Variants in TASP1 observed in about 807,000 individuals in gnomAD.
TASP1 encodes threonine aspartase 1.
TASP1 carries 16 observed loss-of-function variants against 56.6 expected under a neutral mutation model. That is an observed-to-expected ratio of 0.28 (90% CI 0.19 to 0.43). The LOEUF is 0.43. Among genes scored for constraint, TASP1 ranks in the 20% least tolerant of loss-of-function variants. The probability of loss-of-function intolerance (pLI) is 1.00; values close to 1 mark genes in which losing one functional copy is unlikely to be tolerated. For missense variants in TASP1, 393 were observed against 511.6 expected (o/e 0.77, Z 2.24); for synonymous variants, 179 against 184.2 (o/e 0.97, Z 0.23).
chr20:13,612,743 A>G (rs2048391620), intron 4 of TASP1, among the ~76,000 whole-genome samples: 1 of 152,208 alleles, frequency 6.6e-6, no homozygotes, highest in Non-Finnish European at 1.5e-5. Context: ...ATGACATAAA[A>G]TAAGTATTAA....
At chr20:13,538,887 A>G (rs2045515524) in intron 8 of TASP1, among the ~76,000 whole-genome samples, 1 of 151,836 alleles carries the variant, frequency 6.6e-6, no homozygotes, top group Non-Finnish European at 1.5e-5. Context: ...TACTACAAAT[A>G]CAAAAAAAAA....
intron 4 of TASP1, among the ~76,000 whole-genome samples, chr20:13,612,254 T>C (rs2048369864): frequency 1.3e-5 from 2 of 152,200 alleles, no homozygotes; most frequent in South Asian, 4.1e-4. Context: ...CTTCTGATTA[T>C]AACAAATAAA....
chr20:13,580,759 C>A, intron 6 of TASP1, 138 bp downstream of exon 6: 2 of 775,206 alleles, frequency 2.6e-6, no homozygotes, highest in Admixed American at 2.4e-5. Flanking sequence ...ATTAGCTGTA[C>A]AAAATGTTCC....
the TASP1 span, among the ~76,000 whole-genome samples, chr20:13,133,711 G>A: frequency 6.6e-6 from 1 of 152,138 alleles, no homozygotes; most frequent in East Asian, 1.9e-4. Context: ...AGAGCTGAGA[G>A]GCCAAAGAAG....
At chr20:13,532,434 A>G (rs1276720914) in intron 9 of TASP1, among the ~76,000 whole-genome samples, 1 of 152,178 alleles carries the variant, frequency 6.6e-6, no homozygotes, top group Non-Finnish European at 1.5e-5. Context: ...CATAGTTTCA[A>G]GTTTATTACA....
At chr20:13,160,025 G>C in the TASP1 span, 17 of 1,612,726 alleles carry the variant, frequency 1.1e-5, no homozygotes, top group Non-Finnish European at 1.4e-5. Context: ...GCATATGCTA[G>C]AGAAAAAAAT....
chr20:13,362,526 C>T, the TASP1 span, among the ~76,000 whole-genome samples: 2 of 143,720 alleles, frequency 1.4e-5, no homozygotes, highest in Non-Finnish European at 3.0e-5. Context: ...TCCCCTTTGA[C>T]TGTAATTTTC....
the TASP1 span, among the ~76,000 whole-genome samples, chr20:13,227,804 G>A: frequency 3.4e-4 from 51 of 151,812 alleles, no homozygotes; most frequent in African/African-American, 1.0e-3. Flanking sequence ...CACCGCGCCC[G>A]GCCCCAACTT....
chr20:13,432,402 T>C (rs2042841055), intron 12 of TASP1, among the ~76,000 whole-genome samples: 1 of 152,122 alleles, frequency 6.6e-6, no homozygotes. Context: ...GGAAATGGAG[T>C]GTAAAAGGTG....
the TASP1 span, among the ~76,000 whole-genome samples, chr20:13,160,809 T>C: frequency 0.015 from 2,323 of 152,326 alleles, 25 homozygotes; most frequent in South Asian, 0.028. Flanking sequence ...CCAGACAGAA[T>C]GAATGAATCT....
chr20:13,442,644 A>AAAAC lies in TASP1; in HGVS notation c.986-7494_986-7491dup, dbSNP rs539742350. ...GCAACAGAGCAAGACTCTGTCTTTA[A>AAAAC]AAACAAACAAACAAACAAACAAAAA... On this transcript the variant is annotated intron_variant, in intron 11 of 13. Transcript: ENST00000337743. 1.9e-3 allele frequency among the ~76,000 whole-genome samples: 291 copies of AAAAC among 150,686 alleles called. 6 individuals carry two copies. The East Asian group carries it at 0.044, about 23-fold the overall frequency.
chr20:13,493,768 C>T (rs2043625611), intron 10 of TASP1, among the ~76,000 whole-genome samples: 1 of 152,168 alleles, frequency 6.6e-6, no homozygotes. Context: ...AGTTCTGTCC[C>T]TCTGGAGAAC....
chr20:13,122,442 C>A, the TASP1 span, among the ~76,000 whole-genome samples: 45,145 of 152,046 alleles, frequency 0.3, 6,917 homozygotes, highest in Admixed American at 0.34. Context: ...TGGACCCCCT[C>A]ACACCACACC....
At chr20:13,520,703 A>G (rs910153616) in intron 10 of TASP1, among the ~76,000 whole-genome samples, 5 of 152,250 alleles carry the variant, frequency 3.3e-5, no homozygotes, top group Non-Finnish European at 7.3e-5. Flanking sequence ...CATTCAGGAC[A>G]TAGGCAAGGG....
Position 13,634,983 on chromosome 20 carries a change from G to C in TASP1, c.-75+3911C>G, listed in dbSNP as rs373111868. On this transcript the variant is annotated intron_variant, in intron 1 of 13. Transcript: ENST00000337743. ...GCAGAGGTTGCAGTGAGCAGAGACC[G>C]CGCCATCGCACTCCAGCCTGGGCAA... is the stretch of plus-strand genomic sequence containing the variant. Among the ~76,000 whole-genome samples the C allele has an allele frequency of 9.2e-5, 14 of 152,186 alleles. No homozygotes were observed. The South Asian group carries it at 2.9e-3, about 32-fold the overall frequency.
In TASP1 at chr20:13,633,235, T is replaced by G. The variant is rs536125930; in HGVS notation, c.-74-3083A>C. On this transcript the variant is annotated intron_variant, in intron 1 of 13. Coordinates refer to ENST00000337743, the MANE Select transcript of TASP1 (RefSeq NM_017714.3). Reference sequence around the variant, plus strand: ...AAAAAGGAATGGAAATAACTAATTTTTTAAGGTATGGTACAGAAGTATTTG... The same window carrying G: ...AAAAAGGAATGGAAATAACTAATTTGTTAAGGTATGGTACAGAAGTATTTG... 2.6e-5 allele frequency among the ~76,000 whole-genome samples: 4 copies of G among 152,276 alleles called. No individual in the cohort carries two copies. In the South Asian group the frequency reaches 8.3e-4, roughly 32 times the overall value.
intron 11 of TASP1, among the ~76,000 whole-genome samples, chr20:13,443,359 G>A (rs1487882012): frequency 6.6e-6 from 1 of 152,136 alleles, no homozygotes. Flanking sequence ...CTGCTTAAGC[G>A]CTTTCTATAT....
chr20:13,636,052 T>C (rs1348852119), intron 1 of TASP1, among the ~76,000 whole-genome samples: 4 of 152,022 alleles, frequency 2.6e-5, no homozygotes, highest in African/African-American at 9.7e-5. Flanking sequence ...AAGTAAGTCA[T>C]GGAATTCATC....
chr20:13,104,874 T>A, the TASP1 span, among the ~76,000 whole-genome samples: 1 of 152,168 alleles, frequency 6.6e-6, no homozygotes, highest in Non-Finnish European at 1.5e-5. Flanking sequence ...TGGGGAACTT[T>A]TTTTAACAAA....
Sources: gnomAD v4.1 joint callset for allele counts (sites outside exome capture counted in the v4.1 genomes callset) on GRCh38, gnomAD v4.1.1 for gene constraint, MANE v1.5 for transcripts, NCBI Gene and HGNC (gene_info 2026-07-23, HGNC 2026-07-21) for gene names.